Variants in PPA2 observed in about 807,000 individuals in gnomAD.
PPA2 encodes the protein inorganic pyrophosphatase 2, mitochondrial.
In PPA2, 48 loss-of-function variants were observed where a neutral mutation model predicts 49.5. That is an observed-to-expected ratio of 0.97 (90% CI 0.77 to 1.23). PPA2 has a LOEUF of 1.23. Among genes scored for constraint, PPA2 ranks in the 50% most tolerant of loss-of-function variants. PPA2 has a pLI of 0.00. For synonymous variants in PPA2, 131 were observed against 139.9 expected, an observed-to-expected ratio of 0.94 and a Z score of 0.45; for missense variants, 429 against 410.1, an observed-to-expected ratio of 1.05 and a Z score of -0.40.
chr4:105,424,232 T>C lies in PPA2; in HGVS notation c.619A>G (p.Ile207Val), dbSNP rs1486574937. The C allele has an allele frequency of 3.1e-6, 5 of 1,609,460 alleles. No individual in the cohort carries two copies. In the African/African-American group the frequency reaches 5.4e-5, roughly 17 times the overall value. Residue 207 changes from isoleucine to valine, a missense_variant, in exon 7 of 12, where the codon ATC (isoleucine) becomes GTC (valine). Coordinates refer to ENST00000341695, the MANE Select transcript of PPA2 (RefSeq NM_176869.3). Reference sequence around the variant, plus strand: ...GAGGCTTCAGGATCATTCGCATTGATAGCAATTAATTTCCAATCTGTTTCA... The same window carrying C: ...GAGGCTTCAGGATCATTCGCATTGACAGCAATTAATTTCCAATCTGTTTCA... ...EGETDWKLIA[I>V]NANDPEASKF... is the part of the protein sequence containing the mutation.
chr4:105,419,474 T>C (rs1211857704), intron 7 of PPA2, among the ~76,000 whole-genome samples: 1 of 152,218 alleles, frequency 6.6e-6, no homozygotes, highest in African/African-American at 2.4e-5. Context: ...ACGAGTTTCA[T>C]TTCAAATGTT....
intron 4 of PPA2, among the ~76,000 whole-genome samples, chr4:105,447,262 C>T (rs1225772936): frequency 2.6e-5 from 4 of 152,106 alleles, no homozygotes; most frequent in Admixed American, 1.3e-4. Context: ...AACTGGAGAA[C>T]ATTATGGCAA....
At chr4:105,460,869 AGTTT>A (rs1723061769) in intron 1 of PPA2, among the ~76,000 whole-genome samples, 1 of 151,506 alleles carries the variant, frequency 6.6e-6, no homozygotes, top group Non-Finnish European at 1.5e-5. Flanking sequence ...ATATATATAT[AGTTT>A]TCTAATTGTC....
intron 5 of PPA2, among the ~76,000 whole-genome samples, chr4:105,439,376 C>T (rs2110291898): frequency 1.3e-5 from 2 of 152,284 alleles, no homozygotes; most frequent in East Asian, 3.9e-4. Flanking sequence ...CCATCTACTT[C>T]ACGGTTCTCT....
intron 2 of PPA2, chr4:105,456,204 C>T (rs768389377): frequency 6.3e-6 from 3 of 477,474 alleles, no homozygotes; most frequent in African/African-American, 6.0e-5. Context: ...AGAGCATAAG[C>T]TTTGTGGTCA....
chr4:105,408,136 A>T lies in PPA2; in HGVS notation c.656-8972T>A, dbSNP rs1722569668. Reference sequence around the variant, plus strand: ...TCAAAGACATTTCACAGAATCAAACAAAACAGTGTGGGAGTGAAAAAAGTG... The same window carrying T: ...TCAAAGACATTTCACAGAATCAAACTAAACAGTGTGGGAGTGAAAAAAGTG... On this transcript the variant is annotated intron_variant, in intron 7 of 11. Transcript: ENST00000341695. 2.0e-5 allele frequency among the ~76,000 whole-genome samples: 3 copies of T among 152,206 alleles called. No homozygotes were observed. The East Asian group carries it at 5.8e-4, about 29-fold the overall frequency.
Position 105,453,615 on chromosome 4 carries a change from G to C in PPA2, c.250C>G (p.Arg84Gly), listed in dbSNP as rs781655422. The change falls in exon 3 of 12, where the codon CGA becomes GGA. Residue 84 changes from arginine (R) to glycine (G), a missense_variant. Physicochemically the swap from Arg to Gly is moderately radical, Grantham distance 125 (BLOSUM62 -2). Coordinates refer to ENST00000341695, the MANE Select transcript of PPA2 (RefSeq NM_176869.3). ...EENGIPMKKARNDEYENLFNM... is the reference protein window; with the variant it reads ...EENGIPMKKAGNDEYENLFNM... ...GGATATACCTCATATTCATCATTTC[G>C]TGCTTTCTTCATAGGAATGCCATTT... The C allele has an allele frequency of 1.2e-6, 2 of 1,605,162 alleles. No individual in the cohort carries two copies.
At chr4:105,411,812 C>T (rs182785021) in intron 7 of PPA2, among the ~76,000 whole-genome samples, 56 of 152,154 alleles carry the variant, frequency 3.7e-4, no homozygotes, top group African/African-American at 1.1e-3. Context: ...AAACAGAGAG[C>T]CAAATCATGA....
intron 10 of PPA2, among the ~76,000 whole-genome samples, chr4:105,375,684 C>T (rs1464164064): frequency 6.6e-6 from 1 of 152,064 alleles, no homozygotes; most frequent in Non-Finnish European, 1.5e-5. Flanking sequence ...TCTGAGCTGA[C>T]TCAGTTTCAA....
chr4:105,471,201 C>T (rs946097085), intron 1 of PPA2, among the ~76,000 whole-genome samples: 2 of 152,192 alleles, frequency 1.3e-5, no homozygotes, highest in South Asian at 4.1e-4. Context: ...CTGGTCCAAT[C>T]TCCTCATTCC....
At chr4:105,395,198 G>A (rs1734087156) in intron 9 of PPA2, among the ~76,000 whole-genome samples, 1 of 152,094 alleles carries the variant, frequency 6.6e-6, no homozygotes, top group Non-Finnish European at 1.5e-5. Context: ...CCAAGCATTT[G>A]TGTTGTAGGC....
intron 9 of PPA2, 56 bp downstream of exon 9, chr4:105,396,193 G>T (rs1734134423): frequency 4.7e-6 from 5 of 1,069,188 alleles, no homozygotes; most frequent in Non-Finnish European, 5.4e-6. Context: ...ATTATTATGT[G>T]GCTGTTTAAT....
intron 6 of PPA2, 49 bp downstream of exon 6, chr4:105,437,901 T>C (rs1043314885): frequency 6.9e-7 from 1 of 1,442,572 alleles, no homozygotes; most frequent in South Asian, 1.3e-5. Context: ...TTTTATGGCA[T>C]GAATAAACCA....
chr4:105,407,692 A>G (rs1722546877), intron 7 of PPA2, among the ~76,000 whole-genome samples: 1 of 152,236 alleles, frequency 6.6e-6, no homozygotes, highest in African/African-American at 2.4e-5. Flanking sequence ...AACAATATGC[A>G]TGAATCTCCA....
chr4:105,433,716 C>A (rs955191233), intron 6 of PPA2, among the ~76,000 whole-genome samples: 3 of 152,248 alleles, frequency 2.0e-5, no homozygotes, highest in Admixed American at 1.3e-4. Flanking sequence ...CCATTCCCTG[C>A]CCTCCGGCAT....
chr4:105,381,633 C>G (rs1311721903), intron 10 of PPA2, among the ~76,000 whole-genome samples: 1 of 152,006 alleles, frequency 6.6e-6, no homozygotes, highest in Non-Finnish European at 1.5e-5. Context: ...ATCAATTCAT[C>G]TGTGTTTAGA....
chr4:105,426,035 A>G (rs145012173), intron 6 of PPA2, among the ~76,000 whole-genome samples: 41 of 152,260 alleles, frequency 2.7e-4, no homozygotes, highest in African/African-American at 9.6e-4. Flanking sequence ...GAAAGGGGGA[A>G]CTTTCTGGGA....
intron 10 of PPA2, among the ~76,000 whole-genome samples, chr4:105,379,425 G>GTAGA (rs369483034): frequency 0.2 from 27,669 of 139,952 alleles, 3,125 homozygotes; most frequent in African/African-American, 0.32. Context: ...ATCAATATGT[G>GTAGA]TAGATAGATA....
At chr4:105,419,833 T>C (rs777250852) in intron 7 of PPA2, among the ~76,000 whole-genome samples, 3 of 152,178 alleles carry the variant, frequency 2.0e-5, no homozygotes, top group Non-Finnish European at 4.4e-5. Flanking sequence ...TAAACGTGTC[T>C]ATATGAATAG....
Sources: gnomAD v4.1 joint callset for allele counts (sites outside exome capture counted in the v4.1 genomes callset) on GRCh38, gnomAD v4.1.1 for gene constraint, MANE v1.5 for transcripts, NCBI Gene and HGNC (gene_info 2026-07-23, HGNC 2026-07-21) for gene names.